CNTN4: variants seen among roughly 807,000 people sequenced by gnomAD.
CNTN4 encodes the protein contactin-4.
Under a neutral mutation model 122.5 loss-of-function variants are expected in CNTN4, and 77 were observed. The observed-to-expected ratio is 0.63, with a 90% CI of 0.52 to 0.76. The LOEUF (loss-of-function observed/expected upper bound fraction) is 0.76, where lower values mean the gene tolerates loss of function less well. CNTN4 is among the 30% of genes least tolerant of loss of function. The pLI is 0.00. For synonymous variants in CNTN4, 512 were observed against 447.0 expected, an observed-to-expected ratio of 1.15 and a Z score of -1.83; for missense variants, 1,256 against 1,259.1, an observed-to-expected ratio of 1.00 and a Z score of 0.04.
chr3:2,311,125 T>A (rs980354380), intron 2 of CNTN4, among the ~76,000 whole-genome samples: 2 of 152,086 alleles, frequency 1.3e-5, no homozygotes, highest in African/African-American at 4.8e-5. Context: ...CATTAATGTC[T>A]TATTGGATCT....
intron 4 of CNTN4, among the ~76,000 whole-genome samples, chr3:2,612,107 TACACACACACACAC>T (rs58025362): frequency 3.3e-5 from 5 of 150,106 alleles, no homozygotes; most frequent in African/African-American, 7.3e-5. Flanking sequence ...ATACATATAA[TACACACACACACAC>T]ACACACACAC....
At chr3:2,110,981 A>G (rs992631797) in intron 2 of CNTN4, among the ~76,000 whole-genome samples, 1 of 152,186 alleles carries the variant, frequency 6.6e-6, no homozygotes, top group African/African-American at 2.4e-5. Context: ...TACCTGTAGT[A>G]CAATAAACTT....
chr3:2,116,868 TG>T lies in CNTN4; in HGVS notation c.-145+16234del, dbSNP rs199661832. Among the ~76,000 whole-genome samples, 711 of 152,244 alleles carry T rather than the reference TG, an allele frequency of 4.7e-3. 4 individuals carry two copies. The highest frequency in any genetic ancestry group is 0.016 in the African/African-American group (674 of 41,552). On this transcript the variant is annotated intron_variant, in intron 2 of 24. Coordinates refer to ENST00000418658, the MANE Select transcript of CNTN4 (RefSeq NM_175607.3). ...TCCGGTTAATCGATCGATCTGGGGT[TG>T]GGGGTGGGTTCTGTGTGGGAGAAAC... is the stretch of plus-strand genomic sequence containing the variant.
intron 4 of CNTN4, among the ~76,000 whole-genome samples, chr3:2,598,829 A>G (rs1452294945): frequency 6.6e-6 from 1 of 152,202 alleles, no homozygotes; most frequent in Non-Finnish European, 1.5e-5. Flanking sequence ...AAGGGGTATT[A>G]AAGATCCACT....
chr3:3,049,007 AGTTCT>A (rs1179263863), intron 23 of CNTN4, among the ~76,000 whole-genome samples: 3 of 152,210 alleles, frequency 2.0e-5, no homozygotes, highest in African/African-American at 7.2e-5. Context: ...AACATAAATG[AGTTCT>A]GTTCAGTCCA....
intron 4 of CNTN4, among the ~76,000 whole-genome samples, chr3:2,710,654 G>A (rs1234440195): frequency 6.6e-6 from 1 of 151,956 alleles, no homozygotes; most frequent in African/African-American, 2.4e-5. Flanking sequence ...TATTTTTCTG[G>A]CCACCCGTGG....
At chr3:2,477,499 G>A (rs150778065) in intron 3 of CNTN4, among the ~76,000 whole-genome samples, 1 of 152,188 alleles carries the variant, frequency 6.6e-6, no homozygotes, top group African/African-American at 2.4e-5. Flanking sequence ...TACATATGCA[G>A]AACTGAGTCT....
At chr3:2,829,021 G>A (rs1050143907) in intron 7 of CNTN4, among the ~76,000 whole-genome samples, 1 of 152,152 alleles carries the variant, frequency 6.6e-6, no homozygotes, top group African/African-American at 2.4e-5. Flanking sequence ...GTACAGGCAT[G>A]AGCCACCGTG....
chr3:2,718,939 G>A (rs547239678), intron 4 of CNTN4, among the ~76,000 whole-genome samples: 1 of 152,220 alleles, frequency 6.6e-6, no homozygotes, highest in South Asian at 2.1e-4. Context: ...GGAGGTGTCT[G>A]AAGCCCCTGA....
At chr3:2,589,635 T>C (rs1009747885) in intron 4 of CNTN4, among the ~76,000 whole-genome samples, 2 of 152,192 alleles carry the variant, frequency 1.3e-5, no homozygotes, top group African/African-American at 4.8e-5. Flanking sequence ...GTCAGGAATT[T>C]GGGAGCAGCT....
At chr3:2,787,482 CCGGA>C (rs2091873854) in intron 6 of CNTN4, among the ~76,000 whole-genome samples, 1 of 152,150 alleles carries the variant, frequency 6.6e-6, no homozygotes, top group Admixed American at 6.5e-5. Flanking sequence ...TCATTACATA[CCGGA>C]ATTATTGCTA....
chr3:2,340,215 A>G (rs2150357662), intron 3 of CNTN4, among the ~76,000 whole-genome samples: 1 of 152,344 alleles, frequency 6.6e-6, no homozygotes, highest in East Asian at 1.9e-4. Context: ...CAGTATGCCT[A>G]AAAAGAGAGT....
intron 4 of CNTN4, among the ~76,000 whole-genome samples, chr3:2,702,286 C>G (rs1025308326): frequency 2.6e-5 from 4 of 152,158 alleles, no homozygotes; most frequent in Non-Finnish European, 5.9e-5. Context: ...GGATGACCAG[C>G]AAAGAGCATA....
chr3:3,035,507 A>G (rs1699525750), intron 17 of CNTN4, among the ~76,000 whole-genome samples: 1 of 152,174 alleles, frequency 6.6e-6, no homozygotes, highest in South Asian at 2.1e-4. Context: ...CATAAAGTTT[A>G]CACAGTGCTC....
At chr3:2,349,104 C>T (rs751976768) in intron 3 of CNTN4, among the ~76,000 whole-genome samples, 5 of 152,164 alleles carry the variant, frequency 3.3e-5, no homozygotes, top group East Asian at 3.9e-4. Context: ...ATGTTTTACC[C>T]GAACTGGTTT....
chr3:2,545,828 C>G (rs541929582), intron 3 of CNTN4, among the ~76,000 whole-genome samples: 25 of 152,008 alleles, frequency 1.6e-4, no homozygotes, highest in African/African-American at 6.0e-4. Context: ...ATCCACCTTG[C>G]CACTCTGTGC....
chr3:2,875,372 G>T lies in CNTN4; in HGVS notation c.653-7773G>T, dbSNP rs1301376034. Among the ~76,000 whole-genome samples, 6 of 152,186 alleles carry T rather than the reference G, an allele frequency of 3.9e-5. No individual in the cohort carries two copies. The East Asian group carries it at 1.2e-3, about 29-fold the overall frequency. ...ATTCTTGTGATTCAGTATTTGGCAA[G>T]CTTGCTGAAATTTCTTGTAGTTCTA... is the stretch of plus-strand genomic sequence containing the variant. On this transcript the variant is annotated intron_variant, in intron 8 of 24. Transcript: ENST00000418658.
At chr3:2,203,021 A>G (rs1372421722) in intron 2 of CNTN4, among the ~76,000 whole-genome samples, 1 of 149,180 alleles carries the variant, frequency 6.7e-6, no homozygotes, top group Non-Finnish European at 1.5e-5. Flanking sequence ...TTTAGTGGAG[A>G]TGGGGTTTCA....
intron 11 of CNTN4, 69 bp from the exon 12 acceptor site, chr3:2,902,807 A>C: frequency 6.6e-7 from 1 of 1,519,854 alleles, no homozygotes; most frequent in South Asian, 1.2e-5. Context: ...GATATTACAC[A>C]TGGTAAAATT....
Sources: gnomAD v4.1 joint callset for allele counts (sites outside exome capture counted in the v4.1 genomes callset) on GRCh38, gnomAD v4.1.1 for gene constraint, MANE v1.5 for transcripts, NCBI Gene and HGNC (gene_info 2026-07-23, HGNC 2026-07-21) for gene names.